The following KATNIP variants were observed in gnomAD, a reference collection of about 807,000 sequenced individuals.
KATNIP encodes katanin-interacting protein.
A neutral mutation model predicts 174.0 loss-of-function variants in KATNIP; 126 were observed. The ratio of observed to expected loss-of-function variants is 0.72; its 90% CI spans 0.63 to 0.84. The LOEUF (loss-of-function observed/expected upper bound fraction) is 0.84, where lower values mean the gene tolerates loss of function less well. KATNIP is among the 40% of genes least tolerant of loss of function. KATNIP has a pLI of 0.00. For synonymous variants in KATNIP, 810 were observed against 835.7 expected, an observed-to-expected ratio of 0.97 and a Z score of 0.53; for missense variants, 1,958 against 2,109.7, an observed-to-expected ratio of 0.93 and a Z score of 1.41.
At chr16:27,730,964 C>T (rs2080654508) in intron 14 of KATNIP, among the ~76,000 whole-genome samples, 1 of 152,212 alleles carries the variant, frequency 6.6e-6, no homozygotes, top group South Asian at 2.1e-4. Flanking sequence ...TCCCTGCTTC[C>T]TCTGGACTTG....
chr16:27,740,893 C>G lies in KATNIP; in HGVS notation c.2596C>G (p.His866Asp), dbSNP rs767949818. ...GSRKDAGSSSHGDDQPASRED... is the reference protein window; with the variant it reads ...GSRKDAGSSSDGDDQPASRED... ...AAGGAAGGATGCTGGCAGCAGTAGTCATGGGGACGACCAGCCAGCCAGCAG... is the reference window on the plus strand; with the variant it reads ...AAGGAAGGATGCTGGCAGCAGTAGTGATGGGGACGACCAGCCAGCCAGCAG... Residue 866 changes from histidine to aspartate, a missense_variant, in exon 15 of 28, where the codon CAT becomes GAT. Physicochemically the swap from His to Asp is moderately conservative, Grantham distance 81 (BLOSUM62 -1). Around this residue, in one of 3 missense-constraint regions of KATNIP, gnomAD observed 1,557 missense variants for 1,617.8 expected, o/e 0.96. Coordinates refer to ENST00000261588, the MANE Select transcript of KATNIP (RefSeq NM_015202.5). 3.7e-6 allele frequency: 6 copies of G among 1,601,936 alleles called. No individual in the cohort carries two copies. In the Admixed American group the frequency reaches 1.0e-4, roughly 28 times the overall value.
intron 2 of KATNIP, among the ~76,000 whole-genome samples, chr16:27,586,919 T>TTC (rs2090925509): frequency 7.3e-6 from 1 of 137,806 alleles, no homozygotes; most frequent in African/African-American, 2.7e-5. Context: ...CTTCTTCTTC[T>TTC]TTTTTTTTTT....
intron 8 of KATNIP, among the ~76,000 whole-genome samples, chr16:27,697,084 C>T (rs1432975513): frequency 6.6e-6 from 1 of 152,102 alleles, no homozygotes; most frequent in Non-Finnish European, 1.5e-5. Context: ...GATTCCATGT[C>T]TTTGCTATTG....
At chr16:27,716,924 A>G (rs2079970864) in intron 13 of KATNIP, among the ~76,000 whole-genome samples, 1 of 151,828 alleles carries the variant, frequency 6.6e-6, no homozygotes, top group East Asian at 1.9e-4. Flanking sequence ...GGCTCACTGC[A>G]ACCTCCACCT....
chr16:27,586,256 C>T (rs1488604206), intron 2 of KATNIP, among the ~76,000 whole-genome samples: 1 of 152,016 alleles, frequency 6.6e-6, no homozygotes, highest in African/African-American at 2.4e-5. Context: ...TAAATATATA[C>T]ACCCATTATG....
At chr16:27,574,089 T>G in intron 2 of KATNIP, 133 bp downstream of exon 2, 1 of 718,984 alleles carries the variant, frequency 1.4e-6, no homozygotes, top group Non-Finnish European at 2.4e-6. Context: ...CTGGAGCAAA[T>G]GATAGTGAGC....
Position 27,778,607 on chromosome 16 carries a change from A to G in KATNIP, c.4835A>G (p.Glu1612Gly). The change falls in exon 28 of 28, where the codon GAG becomes GGG. Residue 1612 changes from glutamate (E) to glycine (G), a missense_variant. Physicochemically the swap from Glu to Gly is moderately conservative, Grantham distance 98. Around this residue, in one of 3 missense-constraint regions of KATNIP, gnomAD observed 383 missense variants for 456.0 expected, o/e 0.84. Transcript: ENST00000261588. ...LRPKTCISEK[E>G]TRRRRC Reference sequence around the variant, plus strand: ...CCCAAAACCTGCATCAGCGAGAAGGAGACGAGACGACGGCGCTGCTGACTG... The same window carrying G: ...CCCAAAACCTGCATCAGCGAGAAGGGGACGAGACGACGGCGCTGCTGACTG... 1 of 1,613,826 alleles carries G rather than the reference A, an allele frequency of 6.2e-7. No individual in the cohort carries two copies. Among genetic ancestry groups the G allele is most frequent in the Middle Eastern group, 1.7e-4 (1 of 6,058 alleles).
chr16:27,700,094 T>C (rs1292208454), intron 10 of KATNIP, among the ~76,000 whole-genome samples: 1 of 151,460 alleles, frequency 6.6e-6, no homozygotes, highest in Non-Finnish European at 1.5e-5. Context: ...GTATTTTTAC[T>C]AGAGACAAGG....
At chr16:27,622,425 T>C (rs550109967) in intron 3 of KATNIP, among the ~76,000 whole-genome samples, 3 of 152,214 alleles carry the variant, frequency 2.0e-5, no homozygotes, top group South Asian at 4.1e-4. Flanking sequence ...TCACTCAACC[T>C]CATGAAAGAG....
Position 27,754,197 on chromosome 16 carries a change from A to C in KATNIP, c.3577A>C (p.Ser1193Arg). The change falls in exon 18 of 28, where the codon AGT becomes CGT. Residue 1193 changes from serine to arginine, a missense_variant. Transcript: ENST00000261588. ...ERIPELELPSSSPVPQVTTPE... is the reference protein window; with the variant it reads ...ERIPELELPSRSPVPQVTTPE... ...GATCCCGGAGCTAGAGCTCCCATCCAGTTCCCCTGTCCCCCAAGTCACCAC... is the reference window on the plus strand; with the variant it reads ...GATCCCGGAGCTAGAGCTCCCATCCCGTTCCCCTGTCCCCCAAGTCACCAC... 2 of 1,614,136 alleles carry C rather than the reference A, an allele frequency of 1.2e-6. No individual in the cohort carries two copies. Among genetic ancestry groups the C allele is most frequent in the Middle Eastern group, 3.3e-4 (2 of 6,060 alleles).
intron 5 of KATNIP, 187 bp downstream of exon 5, chr16:27,631,349 G>T: frequency 1.8e-6 from 1 of 549,594 alleles, no homozygotes; most frequent in Non-Finnish European, 3.3e-6. Flanking sequence ...AGACCAGCTT[G>T]GGCAACAAAG....
chr16:27,681,609 G>A (rs969436007), intron 8 of KATNIP, 79 bp downstream of exon 8: 25 of 1,515,842 alleles, frequency 1.6e-5, no homozygotes, highest in Admixed American at 1.5e-4. Flanking sequence ...ATGGGAGGCC[G>A]CACTTCATTA....
At chr16:27,709,129 G>A in intron 13 of KATNIP, 2 of 488,358 alleles carry the variant, frequency 4.1e-6, no homozygotes, top group Non-Finnish European at 7.3e-6. Context: ...GACCAGCCTG[G>A]GCAACAAGGC....
chr16:27,576,757 C>A (rs1567453222), intron 2 of KATNIP, among the ~76,000 whole-genome samples: 1 of 152,230 alleles, frequency 6.6e-6, no homozygotes, highest in South Asian at 2.1e-4. Flanking sequence ...CTCCTGACTT[C>A]CCAACCCTCT....
intron 8 of KATNIP, among the ~76,000 whole-genome samples, chr16:27,691,050 G>A (rs183701049): frequency 6.6e-6 from 1 of 152,232 alleles, no homozygotes; most frequent in Admixed American, 6.5e-5. Context: ...GTTTATGATT[G>A]CTATAATAGA....
Position 27,749,886 on chromosome 16 carries a change from C to A in KATNIP, c.2926C>A (p.Arg976Ser). 1.3e-5 allele frequency: 21 copies of A among 1,614,190 alleles called. No homozygotes were observed. Among genetic ancestry groups the A allele is most frequent in the Non-Finnish European group, 1.8e-5 (21 of 1,180,032 alleles). ...FKIPVLPYGQ[R>S]LVIDIKSTWG... ...AATCCCCGTCTTGCCTTATGGACAGCGCTTGGTCATTGACATCAAGTCTAC... is the reference window on the plus strand; with the variant it reads ...AATCCCCGTCTTGCCTTATGGACAGAGCTTGGTCATTGACATCAAGTCTAC... Residue 976 changes from arginine to serine, a missense_variant, in exon 16 of 28, where the codon CGC becomes AGC. Coordinates refer to ENST00000261588, the MANE Select transcript of KATNIP (RefSeq NM_015202.5).
intron 1 of KATNIP, among the ~76,000 whole-genome samples, chr16:27,561,829 G>A (rs2089896660): frequency 6.6e-6 from 1 of 152,136 alleles, no homozygotes; most frequent in Admixed American, 6.5e-5. Context: ...CTCATTTTGG[G>A]GACTCTGAAG....
At chr16:27,755,002 TCCC>T (rs2081662067) in intron 18 of KATNIP, 1 of 152,408 alleles carries the variant, frequency 6.6e-6, no homozygotes, top group Non-Finnish European at 1.5e-5. Context: ...CATCAGCCCC[TCCC>T]CGTCCTGGGG....
intron 5 of KATNIP, among the ~76,000 whole-genome samples, chr16:27,633,087 A>G (rs2076538121): frequency 6.6e-6 from 1 of 152,078 alleles, no homozygotes; most frequent in South Asian, 2.1e-4. Flanking sequence ...TAGAAAAGAA[A>G]GCCTCCTGGC....
Sources: allele counts gnomAD v4.1 joint callset (sites outside exome capture counted in the v4.1 genomes callset), GRCh38; gene constraint gnomAD v4.1.1; regional missense constraint gnomAD v4.1.1; transcripts MANE v1.5; gene names NCBI Gene and HGNC (gene_info 2026-07-23, HGNC 2026-07-21).